The following UBR4 variants were observed in gnomAD, a reference collection of about 807,000 sequenced individuals.
UBR4 encodes the protein ubiquitin protein ligase E3 component n-recognin 4.
Under a neutral mutation model 575.6 loss-of-function variants are expected in UBR4, and 124 were observed. The observed-to-expected ratio is 0.22, with a 90% confidence interval of 0.19 to 0.25. The LOEUF (loss-of-function observed/expected upper bound fraction) is 0.25. Among genes scored for constraint, UBR4 ranks in the 10% least tolerant of loss-of-function variants. The pLI is 1.00. For missense variants in UBR4, 4,818 were observed against 6,478.8 expected (o/e 0.74, Z 8.80); for synonymous variants, 2,455 against 2,473.7 (o/e 0.99, Z 0.22).
At chr1:19,092,984 G>C in intron 96 of UBR4, 66 bp from the exon 97 acceptor site, 2 of 1,446,644 alleles carry the variant, frequency 1.4e-6, no homozygotes, top group Non-Finnish European at 1.9e-6. Flanking sequence ...ACCAGTTGTT[G>C]ACTCTGGCTT....
Position 19,150,687 on chromosome 1 carries a change from G to A in UBR4, c.7320C>T (p.Phe2440=), listed in dbSNP as rs767845165. ...FGWPDEPPEE[F]PSASVSNICP... is the part of the protein sequence containing the mutation. ...AGATGTTGCTGACAGAGGCAGAAGGGAATTCTTCTGGGGGCTCATCAGGCC... is the reference window on the plus strand; with the variant it reads ...AGATGTTGCTGACAGAGGCAGAAGGAAATTCTTCTGGGGGCTCATCAGGCC... The change falls in exon 49 of 106, where the codon TTC becomes TTT. Residue 2440 remains phenylalanine (F), a synonymous_variant. Transcript: ENST00000375254. 13 of 1,613,980 alleles carry A rather than the reference G, an allele frequency of 8.1e-6. 1 individual carries two copies. Among genetic ancestry groups the A allele is most frequent in the South Asian group, 6.6e-5 (6 of 91,084 alleles).
chr1:19,143,252 A>C (rs1190450815), intron 55 of UBR4, among the ~76,000 whole-genome samples: 5 of 102,214 alleles, frequency 4.9e-5, no homozygotes, highest in Non-Finnish European at 8.6e-5. Flanking sequence ...GGAAGGAAGG[A>C]AGGAAGGAAG....
chr1:19,177,402 A>G (rs567785246), intron 19 of UBR4, 59 bp downstream of exon 19: 105 of 1,585,726 alleles, frequency 6.6e-5, no homozygotes, highest in Admixed American at 1.4e-4. Flanking sequence ...CATGGTAACC[A>G]TTGAGAAGAA....
At chr1:19,105,217 A>G in intron 84 of UBR4, 28 bp from the exon 85 acceptor site, 1 of 1,598,636 alleles carries the variant, frequency 6.3e-7, no homozygotes, top group African/African-American at 1.4e-5. Context: ...AGGGCACTCT[A>G]GTCAAGAACT....
In UBR4 at chr1:19,086,703, T is replaced by C. The variant is rs1348241455; in HGVS notation, c.14663A>G (p.Tyr4888Cys). Reference protein sequence around the residue: ...STVSHFNIVHYDCHLAAVRLA... With the variant: ...STVSHFNIVHCDCHLAAVRLA... ...CCTGACGGCAGCCAGATGGCAGTCG[T>C]AGTGCACAATGTTGAAGTGGGACAC... is the stretch of plus-strand genomic sequence containing the variant. Residue 4888 changes from tyrosine to cysteine, a missense_variant, in exon 100 of 106, where the codon TAC (tyrosine) becomes TGC (cysteine). Around this residue, in one of 29 missense-constraint regions of UBR4, gnomAD observed 196 missense variants for 386.8 expected, o/e 0.51. Coordinates refer to ENST00000375254, the MANE Select transcript of UBR4 (RefSeq NM_020765.3). The C allele has an allele frequency of 5.6e-6, 9 of 1,614,032 alleles. No individual in the cohort carries two copies. The highest frequency in any genetic ancestry group is 1.3e-5 in the African/African-American group (1 of 74,934).
intron 89 of UBR4, 22 bp from the exon 90 acceptor site, chr1:19,099,699 G>A: frequency 3.1e-6 from 5 of 1,603,754 alleles, no homozygotes; most frequent in Non-Finnish European, 3.4e-6. Context: ...AGCAGGTGAA[G>A]CTGTTGTTCC....
intron 103 of UBR4, 161 bp from the exon 104 acceptor site, chr1:19,078,227 A>C: frequency 1.5e-6 from 1 of 651,866 alleles, no homozygotes. Context: ...TGTGGGCAAG[A>C]ACCTCTGGAG....
intron 66 of UBR4, 115 bp downstream of exon 66, chr1:19,122,718 A>AT: frequency 8.5e-7 from 1 of 1,177,732 alleles, no homozygotes; most frequent in South Asian, 1.4e-5. Context: ...AGCCCTAACC[A>AT]TGCCATTGTC....
intron 78 of UBR4, among the ~76,000 whole-genome samples, chr1:19,111,088 A>G (rs2079813553): frequency 6.6e-6 from 1 of 152,194 alleles, no homozygotes; most frequent in Non-Finnish European, 1.5e-5. Flanking sequence ...TATGGGGCCC[A>G]TGTCCCAGGC....
chr1:19,136,821 A>G lies in UBR4; in HGVS notation c.8906+1186T>C, dbSNP rs545015828. 2.0e-5 allele frequency among the ~76,000 whole-genome samples: 3 copies of G among 152,330 alleles called. No homozygotes were observed. The South Asian group carries it at 6.2e-4, about 32-fold the overall frequency. Reference sequence around the variant, plus strand: ...AAGAAAAATGTTAGAAGATTTTTTTAAAACTCTATCAAAATATCATCTATT... The same window carrying G: ...AAGAAAAATGTTAGAAGATTTTTTTGAAACTCTATCAAAATATCATCTATT... On this transcript the variant is annotated intron_variant, in intron 60 of 105. Coordinates refer to ENST00000375254, the MANE Select transcript of UBR4 (RefSeq NM_020765.3).
chr1:19,143,306 G>GAAAGAAAGA, intron 55 of UBR4, among the ~76,000 whole-genome samples: 1 of 123,828 alleles, frequency 8.1e-6, no homozygotes, highest in Non-Finnish European at 1.8e-5. Context: ...AAGAAAGAAA[G>GAAAGAAAGA]AAAGAAAGAA....
At chr1:19,182,521 T>C (rs1312491308) in intron 17 of UBR4, among the ~76,000 whole-genome samples, 1 of 152,160 alleles carries the variant, frequency 6.6e-6, no homozygotes, top group Admixed American at 6.5e-5. Context: ...AGTAATTCTA[T>C]ATGTAATTTT....
chr1:19,113,729 G>A lies in UBR4; in HGVS notation c.11427C>T (p.Asn3809=), dbSNP rs755090009. The A allele has an allele frequency of 6.2e-7, 1 of 1,614,196 alleles. No individual in the cohort carries two copies. Among genetic ancestry groups the A allele is most frequent in the Non-Finnish European group, 8.5e-7 (1 of 1,180,028 alleles). The change falls in exon 77 of 106, where the codon AAC becomes AAT. Residue 3809 remains asparagine (N), a synonymous_variant. Coordinates refer to ENST00000375254, the MANE Select transcript of UBR4 (RefSeq NM_020765.3). ...LAQEYCGDCK[N]SFDELSKIIQ... is the part of the protein sequence containing the mutation. ...TGATTTTGGAGAGTTCATCAAAAGA[G>A]TTCTTGCAGTCTCCACAATACTCCT...
intron 94 of UBR4, 70 bp from the exon 95 acceptor site, chr1:19,094,209 C>T: frequency 7.7e-7 from 1 of 1,295,978 alleles, no homozygotes; most frequent in Non-Finnish European, 1.1e-6. Context: ...ACATCTGAGC[C>T]CCAAAAGTCA....
At chr1:19,172,526 T>A (rs913324117) in intron 25 of UBR4, among the ~76,000 whole-genome samples, 8 of 152,074 alleles carry the variant, frequency 5.3e-5, no homozygotes, top group East Asian at 1.9e-4. Context: ...CAGAAAAAAA[T>A]TTTTTTAATA....
intron 64 of UBR4, among the ~76,000 whole-genome samples, chr1:19,125,075 G>C (rs2081581148): frequency 6.6e-6 from 1 of 152,036 alleles, no homozygotes; most frequent in Non-Finnish European, 1.5e-5. Flanking sequence ...TCTATCCCTA[G>C]AACCAAAATT....
At position 19,146,669 on chromosome 1, in the gene UBR4, C is replaced by T. The variant is rs572683940; in HGVS notation, c.7804+157G>A. On this transcript the variant is annotated intron_variant, in intron 52 of 105. Transcript: ENST00000375254. ...GAATGTGTTTAAAATTGTACAATCT[C>T]AATGTCAAAAGGCCCTACAAGGTAT... Among the ~76,000 whole-genome samples the T allele has an allele frequency of 2.0e-5, 3 of 152,320 alleles. No individual in the cohort carries two copies. The South Asian group carries it at 6.2e-4, about 32-fold the overall frequency.
chr1:19,160,251 C>G lies in UBR4; in HGVS notation c.5437G>C (p.Asp1813His). ...ANFSFAPLVL[D>H]MLNFLMDAIQ... ...GCATCCATAAGGAAATTAAGCATGT[C>G]TAACACGAGAGGAGCGAAGGAGAAA... The change falls in exon 39 of 106, where the codon GAC becomes CAC. Residue 1813 changes from aspartate to histidine, a missense_variant. Transcript: ENST00000375254. The G allele has an allele frequency of 6.2e-7, 1 of 1,611,642 alleles. No individual in the cohort carries two copies. The highest frequency in any genetic ancestry group is 8.5e-7 in the Non-Finnish European group (1 of 1,179,586).
chr1:19,132,239 T>C (rs934563245), intron 60 of UBR4, among the ~76,000 whole-genome samples: 1 of 152,132 alleles, frequency 6.6e-6, no homozygotes, highest in Non-Finnish European at 1.5e-5. Flanking sequence ...TGGAGTGCAG[T>C]GGCGTGATCT....
Sources: allele counts gnomAD v4.1 joint callset (sites outside exome capture counted in the v4.1 genomes callset), GRCh38; gene constraint gnomAD v4.1.1; regional missense constraint gnomAD v4.1.1; transcripts MANE v1.5; gene names NCBI Gene and HGNC (gene_info 2026-07-23, HGNC 2026-07-21).